The following CNTN4 variants were observed in gnomAD, a reference collection of about 807,000 sequenced individuals.
CNTN4 encodes the protein contactin 4.
CNTN4 carries 77 observed loss-of-function variants against 122.5 expected under a neutral mutation model. That is an observed-to-expected ratio of 0.63 (90% confidence interval 0.52 to 0.76). The LOEUF is 0.76. Ranked by LOEUF, CNTN4 falls within the 30% of genes least tolerant of loss-of-function variation. The pLI is 0.00. For missense variants in CNTN4, 1,256 were observed against 1,259.1 expected (o/e 1.00, Z 0.04); for synonymous variants, 512 against 447.0 (o/e 1.15, Z -1.83).
chr3:2,540,578 G>A (rs1160059314), intron 3 of CNTN4, among the ~76,000 whole-genome samples: 4 of 152,002 alleles, frequency 2.6e-5, no homozygotes, highest in Non-Finnish European at 4.4e-5. Context: ...AGGAGTTTCA[G>A]TATGATTTAT....
chr3:3,016,087 C>A (rs10510249), intron 14 of CNTN4, among the ~76,000 whole-genome samples: 1 of 151,956 alleles, frequency 6.6e-6, no homozygotes, highest in South Asian at 2.1e-4. Context: ...AATGTTTCTC[C>A]GTGGGTAAAA....
At chr3:2,748,352 C>A (rs2089908768) in intron 6 of CNTN4, among the ~76,000 whole-genome samples, 3 of 152,120 alleles carry the variant, frequency 2.0e-5, no homozygotes, top group Admixed American at 2.0e-4. Context: ...ATTGTATTTA[C>A]CCCTAATAAA....
At chr3:2,804,580 A>G (rs1383900326) in intron 6 of CNTN4, among the ~76,000 whole-genome samples, 9 of 152,232 alleles carry the variant, frequency 5.9e-5, no homozygotes, top group Admixed American at 5.9e-4. Context: ...AGCTCTAAAT[A>G]CTACTATTCA....
intron 3 of CNTN4, among the ~76,000 whole-genome samples, chr3:2,489,348 C>T (rs983414100): frequency 7.2e-5 from 11 of 152,148 alleles, no homozygotes; most frequent in African/African-American, 2.7e-4. Flanking sequence ...GTAGTAGCTT[C>T]GTTCACCCAT....
intron 8 of CNTN4, among the ~76,000 whole-genome samples, chr3:2,874,486 C>G (rs186225908): frequency 3.3e-5 from 5 of 152,146 alleles, no homozygotes; most frequent in Non-Finnish European, 5.9e-5. Context: ...ATTTAACCAA[C>G]GAATACTCAT....
At chr3:2,848,767 G>A (rs1203898851) in intron 7 of CNTN4, among the ~76,000 whole-genome samples, 1 of 152,180 alleles carries the variant, frequency 6.6e-6, no homozygotes, top group Non-Finnish European at 1.5e-5. Flanking sequence ...TTCAAAATTG[G>A]CCTTTATATG....
intron 3 of CNTN4, among the ~76,000 whole-genome samples, chr3:2,376,360 T>C (rs58754139): frequency 0.21 from 31,520 of 152,126 alleles, 3,474 homozygotes; most frequent in African/African-American, 0.26. Context: ...TTAATGTTAA[T>C]GGTGATGATG....
chr3:2,768,646 C>T (rs1201764918), intron 6 of CNTN4, among the ~76,000 whole-genome samples: 4 of 152,176 alleles, frequency 2.6e-5, no homozygotes, highest in Non-Finnish European at 4.4e-5. Flanking sequence ...AGGAAATTGT[C>T]ACCGTGTCCA....
intron 4 of CNTN4, among the ~76,000 whole-genome samples, chr3:2,620,766 C>A (rs1184343807): frequency 6.6e-6 from 1 of 152,104 alleles, no homozygotes; most frequent in Non-Finnish European, 1.5e-5. Context: ...ATGCACATCC[C>A]TGGACTCTAT....
chr3:2,574,993 T>C (rs2079595214), intron 4 of CNTN4, among the ~76,000 whole-genome samples: 1 of 152,096 alleles, frequency 6.6e-6, no homozygotes, highest in Admixed American at 6.5e-5. Flanking sequence ...GTCCACCACT[T>C]TGTGACACTT....
intron 2 of CNTN4, among the ~76,000 whole-genome samples, chr3:2,249,603 G>A (rs769053498): frequency 6.6e-6 from 1 of 151,906 alleles, no homozygotes; most frequent in African/African-American, 2.4e-5. Context: ...AAAGAGAGAA[G>A]AGTAGTTGAA....
intron 10 of CNTN4, among the ~76,000 whole-genome samples, chr3:2,896,676 C>A (rs932164347): frequency 5.9e-5 from 9 of 152,096 alleles, no homozygotes; most frequent in African/African-American, 2.2e-4. Context: ...ATGAGAATTT[C>A]TTGATGATTC....
intron 4 of CNTN4, among the ~76,000 whole-genome samples, chr3:2,578,748 C>T (rs903552147): frequency 1.3e-5 from 2 of 152,002 alleles, no homozygotes; most frequent in Non-Finnish European, 2.9e-5. Flanking sequence ...GAAGCCAAAG[C>T]CTGGGTTTCC....
intron 3 of CNTN4, among the ~76,000 whole-genome samples, chr3:2,446,046 A>G (rs2048614712): frequency 6.6e-6 from 1 of 152,200 alleles, no homozygotes; most frequent in African/African-American, 2.4e-5. Context: ...AGATGGACAG[A>G]TGAATGAGTG....
chr3:2,779,738 A>G (rs1017648430), intron 6 of CNTN4, among the ~76,000 whole-genome samples: 10 of 152,170 alleles, frequency 6.6e-5, no homozygotes, highest in Admixed American at 4.6e-4. Flanking sequence ...TAAACAGGAT[A>G]ATGTATTTGA....
chr3:2,127,112 C>T (rs1405751769), intron 2 of CNTN4, among the ~76,000 whole-genome samples: 2 of 152,160 alleles, frequency 1.3e-5, no homozygotes, highest in Non-Finnish European at 2.9e-5. Flanking sequence ...TAGCTCTCTT[C>T]TCAAGAGAAG....
intron 4 of CNTN4, among the ~76,000 whole-genome samples, chr3:2,671,908 C>G (rs1156520581): frequency 9.6e-6 from 1 of 104,134 alleles, no homozygotes; most frequent in African/African-American, 6.0e-5. Flanking sequence ...GGCTGCAAAA[C>G]AGCAAATATT....
At chr3:2,406,005 T>C (rs1217767166) in intron 3 of CNTN4, among the ~76,000 whole-genome samples, 1 of 150,226 alleles carries the variant, frequency 6.7e-6, no homozygotes, top group African/African-American at 2.5e-5. Flanking sequence ...CCAGCCTAGA[T>C]GACAGAGTAA....
intron 3 of CNTN4, among the ~76,000 whole-genome samples, chr3:2,525,495 T>C (rs2077369305): frequency 6.6e-6 from 1 of 152,162 alleles, no homozygotes; most frequent in Admixed American, 6.6e-5. Context: ...GCATTTAATG[T>C]GCTCCAAAAT....
Sources: gnomAD v4.1 joint callset for allele counts (sites outside exome capture counted in the v4.1 genomes callset) on GRCh38, gnomAD v4.1.1 for gene constraint, MANE v1.5 for transcripts, NCBI Gene and HGNC (gene_info 2026-07-23, HGNC 2026-07-21) for gene names.